GADL1: variants seen among roughly 807,000 people sequenced by gnomAD.
GADL1 encodes the protein acidic amino acid decarboxylase GADL1.
In GADL1, 71 loss-of-function variants were observed where a neutral mutation model predicts 69.5. The ratio of observed to expected loss-of-function variants is 1.02; its 90% CI spans 0.84 to 1.25. The LOEUF is 1.25. GADL1 is among the 50% of genes most tolerant of loss of function. The pLI is 0.00. For synonymous variants in GADL1, 254 were observed against 214.4 expected (o/e 1.18, Z -1.62); for missense variants, 737 against 631.8 (o/e 1.17, Z -1.79).
intron 11 of GADL1, 58 bp downstream of exon 11, chr3:30,833,795 G>T: frequency 1.6e-6 from 2 of 1,239,824 alleles, no homozygotes; most frequent in Non-Finnish European, 2.4e-6. Context: ...TGAAGCCCTT[G>T]GCAAGCACAG....
At chr3:30,767,730 A>G (rs1296540389) in intron 14 of GADL1, among the ~76,000 whole-genome samples, 1 of 152,138 alleles carries the variant, frequency 6.6e-6, no homozygotes, top group East Asian at 1.9e-4. Flanking sequence ...GACAGATTTG[A>G]ATACATAAAA....
At chr3:30,793,557 GA>G (rs1440221388) in intron 12 of GADL1, among the ~76,000 whole-genome samples, 1 of 151,952 alleles carries the variant, frequency 6.6e-6, no homozygotes, top group Non-Finnish European at 1.5e-5. Flanking sequence ...ATAAAAGAGA[GA>G]AAAAAATACA....
rs891736550 is a variant in GADL1, at chr3:30,726,666, G to A, written c.*1576C>T. ...ATGACATTGGTTAACAATGGAGTAC[G>A]AAAAGGTTATTGAATGTGCTAAGTC... On this transcript the variant is annotated 3_prime_UTR_variant, in exon 15 of 15. Coordinates refer to ENST00000282538, the MANE Select transcript of GADL1 (RefSeq NM_207359.3). 2.6e-5 allele frequency: 4 copies of A among 152,114 alleles called. No homozygotes were observed. The highest frequency in any genetic ancestry group is 1.9e-4 in the East Asian group (1 of 5,198). The allele number at this position is 152,114 out of a possible 1,614,324, so 9.4% of individuals were successfully genotyped here.
At chr3:30,754,634 A>G (rs1695920080) in intron 14 of GADL1, among the ~76,000 whole-genome samples, 1 of 50,800 alleles carries the variant, frequency 2.0e-5, no homozygotes, top group Admixed American at 1.2e-4. Flanking sequence ...CAAGAATACA[A>G]AAAAAAAACT....
At chr3:30,874,292 T>G (rs1196754147) in intron 1 of GADL1, among the ~76,000 whole-genome samples, 1 of 151,890 alleles carries the variant, frequency 6.6e-6, no homozygotes, top group Non-Finnish European at 1.5e-5. Flanking sequence ...ACCGCTGGAG[T>G]GGCAAATGCA....
intron 12 of GADL1, among the ~76,000 whole-genome samples, chr3:30,787,139 T>C (rs1696811070): frequency 1.3e-5 from 2 of 152,068 alleles, no homozygotes; most frequent in Admixed American, 1.3e-4. Flanking sequence ...CCGTGGTACA[T>C]GTTTACCTAG....
At chr3:30,854,659 A>C in intron 4 of GADL1, 40 bp downstream of exon 4, 1 of 1,210,424 alleles carries the variant, frequency 8.3e-7, no homozygotes, top group Non-Finnish European at 1.2e-6. Flanking sequence ...AAAGTCTCTA[A>C]TCCACGTTTG....
At chr3:30,816,536 T>TAA (rs1559507840) in intron 11 of GADL1, among the ~76,000 whole-genome samples, 4,546 of 54,872 alleles carry the variant, frequency 0.083, 398 homozygotes, top group African/African-American at 0.24. Flanking sequence ...TTTTCTTTTT[T>TAA]TTTTTTTTTT....
At chr3:30,755,126 T>A (rs78137051) in intron 14 of GADL1, among the ~76,000 whole-genome samples, 98 of 147,872 alleles carry the variant, frequency 6.6e-4, no homozygotes, top group Admixed American at 1.3e-3. Context: ...AAAGCTGACT[T>A]GGGACTCTAT....
At chr3:30,760,244 G>GT (rs1696095663) in intron 14 of GADL1, among the ~76,000 whole-genome samples, 1 of 152,092 alleles carries the variant, frequency 6.6e-6, no homozygotes, top group Non-Finnish European at 1.5e-5. Context: ...CATCTCCTTC[G>GT]TTTCCATAGC....
At chr3:30,772,947 A>AT (rs1396210732) in intron 14 of GADL1, among the ~76,000 whole-genome samples, 1 of 152,140 alleles carries the variant, frequency 6.6e-6, no homozygotes, top group Non-Finnish European at 1.5e-5. Context: ...AAGCCTATTG[A>AT]AGATCACTAG....
chr3:30,811,730 C>CA (rs1356353188), intron 11 of GADL1, among the ~76,000 whole-genome samples: 7 of 152,180 alleles, frequency 4.6e-5, no homozygotes, highest in African/African-American at 1.7e-4. Context: ...GCATGACTTA[C>CA]AATTGACTGT....
At chr3:30,816,606 C>T (rs1243502993) in intron 11 of GADL1, among the ~76,000 whole-genome samples, 7 of 120,686 alleles carry the variant, frequency 5.8e-5, no homozygotes, top group African/African-American at 1.2e-4. Context: ...AGTGCATTGG[C>T]GCTATCTTGG....
chr3:30,894,498 TC>T, intron 1 of GADL1, 79 bp downstream of exon 1: 1 of 1,164,048 alleles, frequency 8.6e-7, no homozygotes, highest in Non-Finnish European at 1.2e-6. Context: ...AAACTTCTAG[TC>T]CCCAGGTCAA....
At chr3:30,732,770 T>C (rs1468976930) in intron 14 of GADL1, among the ~76,000 whole-genome samples, 1 of 152,158 alleles carries the variant, frequency 6.6e-6, no homozygotes, top group Non-Finnish European at 1.5e-5. Flanking sequence ...ACAAAGTGTT[T>C]TTCAGGGTCG....
intron 11 of GADL1, among the ~76,000 whole-genome samples, chr3:30,830,007 C>T (rs1020030854): frequency 2.0e-5 from 3 of 151,894 alleles, no homozygotes; most frequent in Non-Finnish European, 4.4e-5. Context: ...TGACAATAAG[C>T]TGTGGCATGA....
chr3:30,756,932 C>T (rs145640002), intron 14 of GADL1, among the ~76,000 whole-genome samples: 12 of 152,204 alleles, frequency 7.9e-5, no homozygotes, highest in Non-Finnish European at 1.3e-4. Flanking sequence ...CACTAGCCTC[C>T]AACCAGAGTC....
At chr3:30,804,054 G>A (rs542401911) in intron 11 of GADL1, among the ~76,000 whole-genome samples, 97 of 152,212 alleles carry the variant, frequency 6.4e-4, no homozygotes, top group Middle Eastern at 3.4e-3. Context: ...TCTCCTCAGC[G>A]GATTAGTAGA....
chr3:30,794,678 C>CT (rs1235614882), intron 12 of GADL1, among the ~76,000 whole-genome samples: 1 of 152,102 alleles, frequency 6.6e-6, no homozygotes, highest in African/African-American at 2.4e-5. Context: ...TAGGAAAAGC[C>CT]TTAGAGGTCT....
Sources: allele counts gnomAD v4.1 joint callset (sites outside exome capture counted in the v4.1 genomes callset), GRCh38; gene constraint gnomAD v4.1.1; transcripts MANE v1.5; gene names NCBI Gene and HGNC (gene_info 2026-07-23, HGNC 2026-07-21).